MATN2: variants seen among roughly 807,000 people sequenced by gnomAD.
The protein encoded by MATN2 is matrilin-2.
A neutral mutation model predicts 103.2 loss-of-function variants in MATN2; 69 were observed. That is an observed-to-expected ratio of 0.67 (90% CI 0.55 to 0.82). The LOEUF is 0.82. Among genes scored for constraint, MATN2 ranks in the 40% least tolerant of loss-of-function variants. MATN2 has a pLI of 0.00. For synonymous variants in MATN2, 429 were observed against 450.2 expected (o/e 0.95, Z 0.60); for missense variants, 1,023 against 1,211.5 (o/e 0.84, Z 2.31).
At chr8:97,886,579 T>C (rs1344772544) in intron 1 of MATN2, among the ~76,000 whole-genome samples, 1 of 152,238 alleles carries the variant, frequency 6.6e-6, no homozygotes, top group Non-Finnish European at 1.5e-5. Context: ...ATAATCTTAA[T>C]GCATAGTAAA....
At chr8:98,000,636 T>C (rs1438044670) in intron 7 of MATN2, among the ~76,000 whole-genome samples, 1 of 147,186 alleles carries the variant, frequency 6.8e-6, no homozygotes, top group Non-Finnish European at 1.5e-5. Flanking sequence ...ATCACACATA[T>C]CTTGCAGGGT....
At chr8:98,033,706 T>C (rs1266291851) in intron 18 of MATN2, 47 bp downstream of exon 18, 4 of 1,231,288 alleles carry the variant, frequency 3.2e-6, no homozygotes, top group East Asian at 2.5e-5. Flanking sequence ...CAAAGAATAT[T>C]ATCAAAACTT....
At chr8:97,965,013 C>T (rs1214920684) in intron 5 of MATN2, among the ~76,000 whole-genome samples, 4 of 152,188 alleles carry the variant, frequency 2.6e-5, no homozygotes, top group Non-Finnish European at 4.4e-5. Context: ...GGATTATAGA[C>T]ATGAGCCACT....
At chr8:97,940,028 T>G (rs1434981695) in intron 3 of MATN2, among the ~76,000 whole-genome samples, 4 of 152,242 alleles carry the variant, frequency 2.6e-5, no homozygotes, top group Non-Finnish European at 5.9e-5. Flanking sequence ...AGCAGGTATC[T>G]TCAGCATTCC....
At chr8:97,875,764 C>T (rs575071683) in intron 1 of MATN2, among the ~76,000 whole-genome samples, 3 of 120,540 alleles carry the variant, frequency 2.5e-5, no homozygotes, top group South Asian at 2.9e-4. Flanking sequence ...GGCTCGATCT[C>T]GGCTCACTGC....
chr8:97,998,755 T>G (rs1812687754), intron 7 of MATN2, among the ~76,000 whole-genome samples: 1 of 151,978 alleles, frequency 6.6e-6, no homozygotes, highest in South Asian at 2.1e-4. Flanking sequence ...GACATAAAAA[T>G]TGTATACTTG....
chr8:97,951,618 T>C (rs530023496), intron 4 of MATN2, among the ~76,000 whole-genome samples: 8 of 152,344 alleles, frequency 5.3e-5, no homozygotes, highest in African/African-American at 1.9e-4. Flanking sequence ...CTGACTTAGA[T>C]GTTTTAAATA....
At chr8:97,970,263 TCCCAGGTGTTG>T (rs1811613391) in intron 5 of MATN2, among the ~76,000 whole-genome samples, 1 of 152,244 alleles carries the variant, frequency 6.6e-6, no homozygotes, top group South Asian at 2.1e-4. Context: ...GGATGGTAAC[TCCCAGGTGTTG>T]CCATAGCAAC....
At chr8:97,914,358 CTTTTTTTTTTTTTTTTTT>C (rs149996231) in intron 2 of MATN2, among the ~76,000 whole-genome samples, 2 of 52,994 alleles carry the variant, frequency 3.8e-5, no homozygotes, top group African/African-American at 8.2e-5. Flanking sequence ...AAATCCAGAC[CTTTTTTTTTTTTTTTTTT>C]TTTTTTTTTT....
intron 13 of MATN2, among the ~76,000 whole-genome samples, chr8:98,026,239 ACTTTTTTTTT>A (rs1245650182): frequency 1.3e-5 from 2 of 149,544 alleles, no homozygotes; most frequent in Admixed American, 6.7e-5. Flanking sequence ...TATGGTGATA[ACTTTTTTTTT>A]AATTTTGTTT....
At chr8:97,989,602 T>G (rs1293933940) in intron 6 of MATN2, among the ~76,000 whole-genome samples, 2 of 152,088 alleles carry the variant, frequency 1.3e-5, no homozygotes, top group African/African-American at 4.8e-5. Context: ...TAAAACAGAA[T>G]GTCCACTCAC....
intron 6 of MATN2, among the ~76,000 whole-genome samples, chr8:97,989,033 T>A (rs1428786493): frequency 6.6e-6 from 1 of 152,206 alleles, no homozygotes; most frequent in Non-Finnish European, 1.5e-5. Flanking sequence ...AAAGTTGGCT[T>A]AACATTCAAA....
chr8:97,888,830 G>A (rs1411422432), intron 2 of MATN2, among the ~76,000 whole-genome samples: 1 of 152,164 alleles, frequency 6.6e-6, no homozygotes, highest in Middle Eastern at 3.2e-3. Flanking sequence ...TAGGAAGGTT[G>A]GGCAGTGCCA....
intron 6 of MATN2, among the ~76,000 whole-genome samples, chr8:97,987,743 G>A (rs1554611659): frequency 6.6e-6 from 1 of 152,068 alleles, no homozygotes; most frequent in Non-Finnish European, 1.5e-5. Flanking sequence ...AATGCTCAGA[G>A]AATATTTACT....
At chr8:97,942,376 C>A (rs1810598419) in intron 4 of MATN2, among the ~76,000 whole-genome samples, 2 of 152,156 alleles carry the variant, frequency 1.3e-5, no homozygotes, top group South Asian at 4.1e-4. Flanking sequence ...TGGTGTGGGA[C>A]ACTTTATAGG....
chr8:97,890,464 C>CAA lies in MATN2; in HGVS notation c.142+2237_142+2238dup, dbSNP rs553728394. On this transcript the variant is annotated intron_variant, in intron 2 of 18. Transcript: ENST00000254898. ...TGGGTGACAGAGTGAGACTCTGTCT[C>CAA]AAAAAAAAAAAAAAAAGAAAATAGT... 7.3e-3 allele frequency among the ~76,000 whole-genome samples: 617 copies of CAA among 84,254 alleles called. 4 individuals are homozygous for CAA. The highest frequency in any genetic ancestry group is 0.018 in the African/African-American group (487 of 27,572). The allele number at this position is 84,254 out of a possible 152,430, so 55.3% of individuals were successfully genotyped here.
intron 7 of MATN2, among the ~76,000 whole-genome samples, chr8:97,997,649 T>C (rs1812628887): frequency 6.6e-6 from 1 of 152,138 alleles, no homozygotes; most frequent in African/African-American, 2.4e-5. Flanking sequence ...GCACCTATCA[T>C]GGTACCAGAT....
intron 6 of MATN2, among the ~76,000 whole-genome samples, chr8:97,989,285 C>A (rs1404850891): frequency 1.3e-5 from 2 of 152,096 alleles, no homozygotes; most frequent in Non-Finnish European, 2.9e-5. Context: ...CTGGCTAACA[C>A]GGTGAAACCC....
intron 4 of MATN2, among the ~76,000 whole-genome samples, chr8:97,957,734 A>T (rs1301811981): frequency 6.6e-6 from 1 of 152,200 alleles, no homozygotes; most frequent in East Asian, 1.9e-4. Flanking sequence ...TGACTCCTGG[A>T]TCTGGGCACC....
Sources: allele counts gnomAD v4.1 joint callset (sites outside exome capture counted in the v4.1 genomes callset), GRCh38; gene constraint gnomAD v4.1.1; transcripts MANE v1.5; gene names NCBI Gene and HGNC (gene_info 2026-07-23, HGNC 2026-07-21).